Variants in ITGA4 observed in about 807,000 individuals in gnomAD.
The protein encoded by ITGA4 is integrin subunit alpha 4, also known as integrin alpha-4.
Under a neutral mutation model 133.6 loss-of-function variants are expected in ITGA4, and 63 were observed. The ratio of observed to expected loss-of-function variants is 0.47; its 90% CI spans 0.38 to 0.58. The LOEUF (loss-of-function observed/expected upper bound fraction) is 0.58. ITGA4 is among the 20% of genes least tolerant of loss of function. The pLI is 0.00. For synonymous variants in ITGA4, 483 were observed against 438.0 expected (o/e 1.10, Z -1.28); for missense variants, 1,076 against 1,252.7 (o/e 0.86, Z 2.13).
intron 25 of ITGA4, among the ~76,000 whole-genome samples, chr2:181,532,494 G>C (rs541623686): frequency 6.6e-6 from 1 of 152,154 alleles, no homozygotes; most frequent in Non-Finnish European, 1.5e-5. Flanking sequence ...TGGATTCCTA[G>C]GTATTTTATT....
intron 15 of ITGA4, among the ~76,000 whole-genome samples, chr2:181,501,790 A>C (rs528463563): frequency 6.6e-6 from 1 of 152,256 alleles, no homozygotes; most frequent in Admixed American, 6.5e-5. Context: ...AAAATTCTAG[A>C]GTTCAGTCGT....
intron 2 of ITGA4, among the ~76,000 whole-genome samples, chr2:181,465,973 C>A (rs530787987): frequency 1.3e-5 from 2 of 152,032 alleles, no homozygotes; most frequent in African/African-American, 4.8e-5. Flanking sequence ...AACTGTGGTA[C>A]GTAGTAAGCA....
intron 14 of ITGA4, among the ~76,000 whole-genome samples, chr2:181,497,720 A>G (rs1206721744): frequency 6.6e-6 from 1 of 152,180 alleles, no homozygotes; most frequent in African/African-American, 2.4e-5. Flanking sequence ...TCTTTAAACT[A>G]TCACTTATGA....
intron 25 of ITGA4, among the ~76,000 whole-genome samples, chr2:181,533,376 A>G (rs570014578): frequency 8.5e-5 from 13 of 152,216 alleles, no homozygotes; most frequent in Non-Finnish European, 1.8e-4. Context: ...AAGTCATTGA[A>G]CCATCAGCAA....
At chr2:181,512,176 C>A (rs982895816) in intron 17 of ITGA4, among the ~76,000 whole-genome samples, 3 of 151,650 alleles carry the variant, frequency 2.0e-5, no homozygotes, top group East Asian at 2.0e-4. Context: ...ATATTCAAAT[C>A]ATTTTGCATA....
At chr2:181,494,583 T>C (rs1162372254) in intron 11 of ITGA4, 139 bp from the exon 12 acceptor site, 6 of 623,264 alleles carry the variant, frequency 9.6e-6, no homozygotes, top group Non-Finnish European at 1.7e-5. Flanking sequence ...CTTAGAAGTA[T>C]TTGATTTAAC....
intron 22 of ITGA4, among the ~76,000 whole-genome samples, chr2:181,527,962 A>T (rs557504047): frequency 3.3e-5 from 5 of 152,336 alleles, no homozygotes; most frequent in African/African-American, 1.2e-4. Flanking sequence ...AGTTTTTAAA[A>T]ACATTTTTTG....
intron 23 of ITGA4, 53 bp downstream of exon 23, chr2:181,529,701 A>G: frequency 1.1e-6 from 1 of 909,082 alleles, no homozygotes; most frequent in Non-Finnish European, 1.8e-6. Flanking sequence ...AAATACTAAA[A>G]TAAATGCAAA....
intron 21 of ITGA4, among the ~76,000 whole-genome samples, chr2:181,526,770 AAAG>A (rs2105768473): frequency 6.7e-6 from 1 of 148,344 alleles, no homozygotes; most frequent in African/African-American, 2.5e-5. Context: ...GAAAGCAAGA[AAAG>A]AATATCGGTG....
chr2:181,527,565 C>T (rs1686860122), intron 22 of ITGA4, 178 bp downstream of exon 22: 3 of 524,316 alleles, frequency 5.7e-6, no homozygotes, highest in African/African-American at 3.8e-5. Context: ...TTTCCTTCCA[C>T]TTGTCTTGTC....
intron 16 of ITGA4, 53 bp from the exon 17 acceptor site, chr2:181,511,646 A>G: frequency 1.1e-6 from 1 of 934,760 alleles, no homozygotes; most frequent in East Asian, 2.4e-5. Context: ...AAATATATAT[A>G]AATATACTTG....
chr2:181,505,516 A>G lies in ITGA4; in HGVS notation c.1696-4142A>G, dbSNP rs1351873740. ...GCATGGAATCTTCATTATTTTTAAT[A>G]TAGATAGCACATGCCCATCCAAATT... is the stretch of plus-strand genomic sequence containing the variant. On this transcript the variant is annotated intron_variant, in intron 15 of 27. Coordinates refer to ENST00000397033, the MANE Select transcript of ITGA4 (RefSeq NM_000885.6). Among the ~76,000 whole-genome samples, 62 of 152,086 alleles carry G rather than the reference A, an allele frequency of 4.1e-4. 1 individual carries two copies. The highest frequency in any genetic ancestry group is 2.9e-5 in the Non-Finnish European group (2 of 67,996).
rs1686469310 is a variant in ITGA4, at chr2:181,509,787, A to C, written c.1825A>C (p.Lys609Gln). The C allele has an allele frequency of 6.2e-7, 1 of 1,608,450 alleles. No individual in the cohort carries two copies. The highest frequency in any genetic ancestry group is 8.5e-7 in the Non-Finnish European group (1 of 1,177,274). Reference sequence around the variant, plus strand: ...GCCAATTCTTCAGCAGAAGAAAGAAAAAGACATAATGAAAAAAACAGTAGG... The same window carrying C: ...GCCAATTCTTCAGCAGAAGAAAGAACAAGACATAATGAAAAAAACAGTAGG... ...LQPILQQKKE[K>Q]DIMKKTINFA... The change falls in exon 16 of 28, where the codon AAA (lysine) becomes CAA (glutamine). Residue 609 changes from lysine (K) to glutamine (Q), a missense_variant. By Grantham distance (53) the Lys-to-Gln change is moderately conservative. Around this residue, in one of 4 missense-constraint regions of ITGA4, gnomAD observed 365 missense variants for 421.4 expected, o/e 0.87. Coordinates refer to ENST00000397033, the MANE Select transcript of ITGA4 (RefSeq NM_000885.6).
At chr2:181,490,546 C>A in intron 10 of ITGA4, among the ~76,000 whole-genome samples, 2 of 144,784 alleles carry the variant, frequency 1.4e-5, no homozygotes, top group South Asian at 4.4e-4. Context: ...TGAGAGAGAA[C>A]CTCTTTGACA....
intron 10 of ITGA4, among the ~76,000 whole-genome samples, chr2:181,487,350 G>A (rs963430090): frequency 4.6e-5 from 7 of 152,152 alleles, no homozygotes; most frequent in African/African-American, 1.7e-4. Flanking sequence ...GCTGTAAGAG[G>A]GATCATGTCA....
chr2:181,475,744 C>T, intron 4 of ITGA4: 1 of 1,521,884 alleles, frequency 6.6e-7, no homozygotes, highest in Admixed American at 2.1e-5. Flanking sequence ...TTCTAATTTA[C>T]ATGTTTTCCT....
At chr2:181,467,766 T>G (rs1291929407) in intron 2 of ITGA4, among the ~76,000 whole-genome samples, 2 of 152,152 alleles carry the variant, frequency 1.3e-5, no homozygotes, top group Non-Finnish European at 2.9e-5. Flanking sequence ...TGCTATAGAG[T>G]GAAATAACTT....
At chr2:181,510,916 G>GA (rs34362401) in intron 16 of ITGA4, among the ~76,000 whole-genome samples, 63 of 151,034 alleles carry the variant, frequency 4.2e-4, no homozygotes, top group African/African-American at 1.2e-3. Context: ...AGAAATGGCA[G>GA]AAAAAAAAAT....
At chr2:181,530,944 G>A (rs532395393) in intron 24 of ITGA4, among the ~76,000 whole-genome samples, 128 of 151,948 alleles carry the variant, frequency 8.4e-4, no homozygotes, top group Non-Finnish European at 1.7e-3. Context: ...CTGGCCAACA[G>A]AGTGAAACCC....
Sources: gnomAD v4.1 joint callset for allele counts (sites outside exome capture counted in the v4.1 genomes callset) on GRCh38, gnomAD v4.1.1 for gene constraint, gnomAD v4.1.1 regional missense constraint, MANE v1.5 for transcripts, NCBI Gene and HGNC (gene_info 2026-07-23, HGNC 2026-07-21) for gene names.